The following PDE2A variants were observed in gnomAD, a reference collection of about 807,000 sequenced individuals.
The protein encoded by PDE2A is phosphodiesterase 2A, also known as cGMP-dependent 3',5'-cyclic phosphodiesterase.
In PDE2A, 53 loss-of-function variants were observed where a neutral mutation model predicts 133.6. The observed-to-expected ratio is 0.40, with a 90% confidence interval of 0.32 to 0.50. The LOEUF is 0.50. Among genes scored for constraint, PDE2A ranks in the 20% least tolerant of loss-of-function variants. PDE2A has a pLI of 0.73. For missense variants in PDE2A, 796 were observed against 1,232.4 expected (o/e 0.65, Z 5.30); for synonymous variants, 491 against 490.2 (o/e 1.00, Z -0.02).
intron 4 of PDE2A, among the ~76,000 whole-genome samples, chr11:72,604,814 G>T (rs1856902614): frequency 6.6e-6 from 1 of 152,176 alleles, no homozygotes; most frequent in African/African-American, 2.4e-5. Context: ...CAGCATGCCG[G>T]TGTTCTAACT....
chr11:72,659,712 C>G (rs146606016), intron 1 of PDE2A, among the ~76,000 whole-genome samples: 1 of 152,194 alleles, frequency 6.6e-6, no homozygotes, highest in Non-Finnish European at 1.5e-5. Flanking sequence ...TCTTGGCCAG[C>G]CCCTGCTACA....
At chr11:72,666,511 C>A (rs958728994) in intron 1 of PDE2A, among the ~76,000 whole-genome samples, 6 of 152,096 alleles carry the variant, frequency 3.9e-5, no homozygotes, top group Non-Finnish European at 7.4e-5. Flanking sequence ...GGCCCAGAGT[C>A]CCCTGAAGGA....
In PDE2A at chr11:72,582,607, C is replaced by T. The variant is rs1187001696; in HGVS notation, c.1729-41G>A. The T allele has an allele frequency of 2.5e-6, 4 of 1,578,446 alleles. No homozygotes were observed. In the East Asian group the frequency reaches 6.8e-5, roughly 27 times the overall value. On this transcript the variant is annotated intron_variant, in intron 20 of 30. Transcript: ENST00000334456. ...CAGAGCATTAGAAGACAGCCTTCAC[C>T]CCATCTGGTGTCTTCACCCTCAAAT...
rs1856200087 is a variant in PDE2A at position 72,590,593 on chromosome 11, G to C, written c.550-13C>G. 30 of 1,358,336 alleles carry C rather than the reference G, an allele frequency of 2.2e-5. No individual in the cohort carries two copies. The highest frequency in any genetic ancestry group is 2.8e-5 in the Non-Finnish European group (30 of 1,061,122). The allele number at this position is 1,358,336 out of a possible 1,614,324, so 84.1% of individuals were successfully genotyped here. ...GGGCGACCAGGGTCTGGGGCAGGCC[G>C]AGCGGTTAGCGCGCCGCTCGCCCCA... is the stretch of plus-strand genomic sequence containing the variant. On this transcript the variant is annotated splice_polypyrimidine_tract_variant and intron_variant, in intron 7 of 30. Transcript: ENST00000334456. The surrounding 1 kb of genome is among the most constrained non-coding windows in gnomAD (Gnocchi z 4.8).
intron 3 of PDE2A, among the ~76,000 whole-genome samples, chr11:72,605,867 A>T (rs975010691): frequency 1.3e-5 from 2 of 152,120 alleles, no homozygotes; most frequent in Non-Finnish European, 2.9e-5. Flanking sequence ...GCAGGTACAC[A>T]GGTAGGTCCA....
At chr11:72,639,686 C>T (rs1228218733) in intron 2 of PDE2A, among the ~76,000 whole-genome samples, 1 of 152,210 alleles carries the variant, frequency 6.6e-6, no homozygotes, top group Non-Finnish European at 1.5e-5. Flanking sequence ...TCTCAGACCA[C>T]GACATTGCCT....
At chr11:72,665,152 G>C (rs1025276891) in intron 1 of PDE2A, among the ~76,000 whole-genome samples, 1 of 152,030 alleles carries the variant, frequency 6.6e-6, no homozygotes, top group African/African-American at 2.4e-5. Context: ...CTGGGAAGGA[G>C]GTGGTACCCA....
chr11:72,641,345 T>C (rs1020800134), intron 2 of PDE2A, among the ~76,000 whole-genome samples: 6 of 152,110 alleles, frequency 3.9e-5, no homozygotes, highest in African/African-American at 1.4e-4. Context: ...GGCGGGGGTG[T>C]CCCAGGGACA....
At chr11:72,642,172 AAGGGTTCG>A in intron 2 of PDE2A, 74 bp downstream of exon 2, 1 of 1,351,086 alleles carries the variant, frequency 7.4e-7, no homozygotes, top group Non-Finnish European at 9.6e-7. Context: ...CCTCCCTGAG[AAGGGTTCG>A]GGGGCGGGCA....
At chr11:72,616,887 C>T (rs2135385373) in intron 2 of PDE2A, among the ~76,000 whole-genome samples, 1 of 152,344 alleles carries the variant, frequency 6.6e-6, no homozygotes, top group South Asian at 2.1e-4. Context: ...CTGTCCCCCT[C>T]CCAGGCCTTC....
chr11:72,634,762 G>T (rs1858596752), intron 2 of PDE2A, among the ~76,000 whole-genome samples: 1 of 152,226 alleles, frequency 6.6e-6, no homozygotes, highest in Non-Finnish European at 1.5e-5. Flanking sequence ...TCCAGTCCCT[G>T]ACCTGGGACT....
At chr11:72,579,159 G>A (rs1043368937) in intron 27 of PDE2A, 125 bp downstream of exon 27, 22 of 933,920 alleles carry the variant, frequency 2.4e-5, no homozygotes, top group Non-Finnish European at 3.8e-5. Context: ...CCTGGGGGGG[G>A]CCGTGCAGCC....
chr11:72,623,262 C>T (rs1857869586), intron 2 of PDE2A, among the ~76,000 whole-genome samples: 1 of 152,106 alleles, frequency 6.6e-6, no homozygotes. Context: ...GGGCCAGCAC[C>T]ATCCACACAC....
intron 2 of PDE2A, among the ~76,000 whole-genome samples, chr11:72,619,631 G>A (rs1857649696): frequency 6.6e-6 from 1 of 152,208 alleles, no homozygotes; most frequent in South Asian, 2.1e-4. Context: ...CCATGTGACA[G>A]TGGTATAGTC....
At chr11:72,600,194 G>A (rs1262589672) in intron 4 of PDE2A, among the ~76,000 whole-genome samples, 3 of 152,174 alleles carry the variant, frequency 2.0e-5, no homozygotes, top group Non-Finnish European at 4.4e-5. Context: ...TTTGAGCAGG[G>A]ACGGTAATGG....
intron 1 of PDE2A, chr11:72,658,143 T>C: frequency 2.2e-6 from 1 of 456,154 alleles, no homozygotes; most frequent in Non-Finnish European, 4.4e-6. Flanking sequence ...TCCCATCCAA[T>C]CCTCTGGGAA....
intron 17 of PDE2A, 30 bp downstream of exon 17, chr11:72,584,842 G>A (rs370002427): frequency 2.5e-6 from 4 of 1,611,948 alleles, no homozygotes; most frequent in Non-Finnish European, 3.4e-6. Context: ...GACACCCCTA[G>A]GGCCACATAC....
At chr11:72,628,359 C>G (rs1229064567) in intron 2 of PDE2A, among the ~76,000 whole-genome samples, 8 of 146,158 alleles carry the variant, frequency 5.5e-5, no homozygotes, top group Middle Eastern at 3.8e-3. Context: ...GAGATGGAGT[C>G]TCACTCTGTC....
intron 1 of PDE2A, chr11:72,658,245 G>A (rs1854953789): frequency 2.5e-6 from 1 of 395,982 alleles, no homozygotes; most frequent in African/African-American, 2.1e-5. Flanking sequence ...CATCAGATTG[G>A]GCTGGGAGCT....
Sources: gnomAD v4.1 joint callset for allele counts (sites outside exome capture counted in the v4.1 genomes callset) on GRCh38, gnomAD v4.1.1 for gene constraint, Gnocchi (gnomAD v3.1) non-coding constraint, MANE v1.5 for transcripts, NCBI Gene and HGNC (gene_info 2026-07-23, HGNC 2026-07-21) for gene names.